ROBO2: variants seen among roughly 807,000 people sequenced by gnomAD.
ROBO2 encodes roundabout guidance receptor 2.
A neutral mutation model predicts 160.8 loss-of-function variants in ROBO2; 53 were observed. That is an observed-to-expected ratio of 0.33 (90% CI 0.26 to 0.41). The LOEUF (loss-of-function observed/expected upper bound fraction) is 0.41, where lower values mean the gene tolerates loss of function less well. ROBO2 is among the 10% of genes least tolerant of loss of function. The pLI, the probability that ROBO2 is intolerant of heterozygous loss-of-function variation, is 1.00. For missense variants in ROBO2, 1,577 were observed against 1,722.4 expected (o/e 0.92, Z 1.49); for synonymous variants, 664 against 611.7 (o/e 1.09, Z -1.26).
At chr3:77,617,693 G>C in exon 22 of ROBO2, 1 of 1,614,024 alleles carries the variant, frequency 6.2e-7, no homozygotes, top group Non-Finnish European at 8.5e-7. Flanking sequence ...CATCCCCACG[G>C]GAAGAGATGC....
At chr3:77,336,918 A>T (rs889840637) in intron 2 of ROBO2, among the ~76,000 whole-genome samples, 1 of 152,226 alleles carries the variant, frequency 6.6e-6, no homozygotes, top group East Asian at 1.9e-4. Context: ...AAGGAAGACA[A>T]GTTCCACTTT....
rs1447343455 is a variant in ROBO2, at chr3:77,128,140, TG to T, written c.388+29803del. Reference sequence around the variant, plus strand: ...TCTCATTTATTTAAGCAGGTGATTATGGGAGGACTTCTAGATGCCAGGTGCA... The same window carrying T: ...TCTCATTTATTTAAGCAGGTGATTATGGAGGACTTCTAGATGCCAGGTGCA... On this transcript the variant is annotated intron_variant, in intron 2 of 25. Coordinates refer to ENST00000461745, the Ensembl canonical transcript of ROBO2. Among the ~76,000 whole-genome samples the T allele has an allele frequency of 2.0e-5, 3 of 152,342 alleles. No individual in the cohort carries two copies. The East Asian group carries it at 5.8e-4, about 29-fold the overall frequency.
At chr3:75,973,036 A>T (rs1268216780) in intron 2 of ROBO2, among the ~76,000 whole-genome samples, 1 of 151,718 alleles carries the variant, frequency 6.6e-6, no homozygotes, top group Non-Finnish European at 1.5e-5. Flanking sequence ...ACTCAAATTT[A>T]AGCTATTCTA....
At chr3:76,845,209 C>T (rs764830495) in intron 2 of ROBO2, among the ~76,000 whole-genome samples, 3 of 151,838 alleles carry the variant, frequency 2.0e-5, no homozygotes, top group Non-Finnish European at 2.9e-5. Flanking sequence ...GAAATTGTCT[C>T]GTCAATTTTT....
chr3:76,151,882 AATTT>A (rs1237170312), intron 2 of ROBO2, among the ~76,000 whole-genome samples: 1 of 152,168 alleles, frequency 6.6e-6, no homozygotes, highest in African/African-American at 2.4e-5. Flanking sequence ...TCATTTTGAT[AATTT>A]ATTTGGTTGC....
chr3:76,789,909 A>G (rs1190419666), intron 2 of ROBO2, among the ~76,000 whole-genome samples: 1 of 151,672 alleles, frequency 6.6e-6, no homozygotes, highest in Non-Finnish European at 1.5e-5. Flanking sequence ...TATAATTTGG[A>G]AAGTAATTTG....
At chr3:76,329,251 C>T (rs2073293496) in intron 2 of ROBO2, among the ~76,000 whole-genome samples, 1 of 152,172 alleles carries the variant, frequency 6.6e-6, no homozygotes. Context: ...TGGAGTTTCG[C>T]TCTGTGGTCC....
At chr3:77,484,085 A>C (rs2085031758) in intron 4 of ROBO2, among the ~76,000 whole-genome samples, 1 of 152,020 alleles carries the variant, frequency 6.6e-6, no homozygotes, top group Non-Finnish European at 1.5e-5. Flanking sequence ...TCCATGAATC[A>C]CATATTGTGG....
chr3:77,473,162 G>A (rs1365598434), intron 2 of ROBO2, among the ~76,000 whole-genome samples: 2 of 152,028 alleles, frequency 1.3e-5, no homozygotes, highest in African/African-American at 4.8e-5. Flanking sequence ...GTTGGGGCAG[G>A]TGTGTCATTT....
chr3:77,204,425 C>T (rs2083218563), intron 2 of ROBO2, among the ~76,000 whole-genome samples: 1 of 151,976 alleles, frequency 6.6e-6, no homozygotes, highest in South Asian at 2.1e-4. Flanking sequence ...AATTAAGGTT[C>T]AGCTTTTTTT....
At chr3:76,014,548 C>T (rs180802049) in intron 2 of ROBO2, among the ~76,000 whole-genome samples, 1 of 47,156 alleles carries the variant, frequency 2.1e-5, no homozygotes, top group African/African-American at 5.5e-5. Context: ...ATGGCTTGTG[C>T]GTGTAATCCC....
At chr3:76,535,354 T>A (rs767908679) in intron 2 of ROBO2, among the ~76,000 whole-genome samples, 31 of 152,066 alleles carry the variant, frequency 2.0e-4, no homozygotes, top group Non-Finnish European at 4.1e-4. Context: ...AGGCGAATGA[T>A]AACAGCTTTA....
At chr3:77,355,118 C>T (rs7432407) in intron 2 of ROBO2, among the ~76,000 whole-genome samples, 13,157 of 93,402 alleles carry the variant, frequency 0.14, 149 homozygotes, top group Non-Finnish European at 0.16. Context: ...TCAACCCTTC[C>T]TCCCATCCCC....
intron 23 of ROBO2, among the ~76,000 whole-genome samples, chr3:77,627,829 G>A (rs2153710355): frequency 6.6e-6 from 1 of 152,272 alleles, no homozygotes; most frequent in East Asian, 1.9e-4. Context: ...CATAAAAATG[G>A]TAATGCAACA....
At chr3:76,471,527 T>C (rs2078655010) in intron 2 of ROBO2, among the ~76,000 whole-genome samples, 1 of 152,160 alleles carries the variant, frequency 6.6e-6, no homozygotes, top group African/African-American at 2.4e-5. Flanking sequence ...AAGACTGTGA[T>C]TCTTCACACA....
chr3:76,964,996 A>C (rs9850165), intron 2 of ROBO2, among the ~76,000 whole-genome samples: 12,391 of 152,254 alleles, frequency 0.081, 1,689 homozygotes, highest in African/African-American at 0.28. Flanking sequence ...TGTTTCTTCA[A>C]CTGGATTTTG....
chr3:76,731,653 A>C (rs554672037), intron 2 of ROBO2, among the ~76,000 whole-genome samples: 1 of 152,276 alleles, frequency 6.6e-6, no homozygotes, highest in East Asian at 1.9e-4. Flanking sequence ...GAGGCTAATA[A>C]ATGCAGAAAC....
Position 76,887,199 on chromosome 3 carries a change from T to C in ROBO2, c.110-210815T>C, listed in dbSNP as rs1012061477. 4.6e-4 allele frequency among the ~76,000 whole-genome samples: 51 copies of C among 110,984 alleles called. 1 individual carries two copies. Among genetic ancestry groups the C allele is most frequent in the Non-Finnish European group, 9.4e-4 (46 of 48,938 alleles). 72.8% of individuals were successfully genotyped at this position (110,984 alleles called of 152,430 possible). On this transcript the variant is annotated intron_variant, in intron 2 of 26. Transcript: ENST00000487694. ...CTGCCTTTGCTTCAGGAAGCATTTT[T>C]TTTTTTTTTTTTTTTTTTTTTGGTA...
Position 77,574,920 on chromosome 3 carries a change from T to C in ROBO2, c.2203+190T>C, listed in dbSNP as rs115351782. On this transcript the variant is annotated intron_variant, in intron 14 of 25. Coordinates refer to ENST00000461745, the Ensembl canonical transcript of ROBO2. The stretch of plus-strand genomic sequence containing the variant: ...GCAGAAAAAAGGACACTAATGTAAT[T>C]TGAATTTTTCTTAAGTAACCATTTG... Among the ~76,000 whole-genome samples the C allele has an allele frequency of 4.8e-3, 732 of 152,208 alleles. 7 individuals carry two copies. The highest frequency in any genetic ancestry group is 0.017 in the African/African-American group (694 of 41,558).
Sources: gnomAD v4.1 joint callset for allele counts (sites outside exome capture counted in the v4.1 genomes callset) on GRCh38, gnomAD v4.1.1 for gene constraint, MANE v1.5 for transcripts, NCBI Gene and HGNC (gene_info 2026-07-23, HGNC 2026-07-21) for gene names.